The following CACNG2 variants were observed in gnomAD, a reference collection of about 807,000 sequenced individuals.
CACNG2 encodes the protein voltage-dependent calcium channel gamma-2 subunit.
In CACNG2, 3 loss-of-function variants were observed where a neutral mutation model predicts 25.9. The ratio of observed to expected loss-of-function variants is 0.12; its 90% CI spans 0.05 to 0.30. The LOEUF (loss-of-function observed/expected upper bound fraction) is 0.30. Ranked by LOEUF, CACNG2 falls within the 10% of genes least tolerant of loss-of-function variation. The pLI is 1.00. For missense variants in CACNG2, 341 were observed against 432.5 expected, an observed-to-expected ratio of 0.79 and a Z score of 1.88; for synonymous variants, 167 against 173.3, an observed-to-expected ratio of 0.96 and a Z score of 0.29.
intron 1 of CACNG2, among the ~76,000 whole-genome samples, chr22:36,672,170 T>G (rs1936960884): frequency 6.6e-6 from 1 of 151,834 alleles, no homozygotes; most frequent in Non-Finnish European, 1.5e-5. Flanking sequence ...TCTTTTTTTC[T>G]TTTTTTGAGA....
At chr22:36,658,925 G>A (rs1298985074) in intron 1 of CACNG2, among the ~76,000 whole-genome samples, 1 of 152,150 alleles carries the variant, frequency 6.6e-6, no homozygotes, top group East Asian at 1.9e-4. Flanking sequence ...AATGACGCTG[G>A]GAGGGAAGGA....
chr22:36,624,510 T>C (rs1426045306), intron 1 of CACNG2, among the ~76,000 whole-genome samples: 1 of 152,222 alleles, frequency 6.6e-6, no homozygotes, highest in Non-Finnish European at 1.5e-5. Flanking sequence ...CCAAAACTTC[T>C]GCCAGTGAAG....
At chr22:36,614,557 A>G (rs1935995417) in intron 1 of CACNG2, among the ~76,000 whole-genome samples, 2 of 152,184 alleles carry the variant, frequency 1.3e-5, no homozygotes, top group South Asian at 4.2e-4. Context: ...TGCATTCATC[A>G]TTGTATCCTG....
chr22:36,699,465 G>A (rs1270207314), intron 1 of CACNG2, among the ~76,000 whole-genome samples: 1 of 151,918 alleles, frequency 6.6e-6, no homozygotes, highest in Admixed American at 6.6e-5. Context: ...TCATCAAGAG[G>A]TGAATGAAAA....
chr22:36,677,434 G>T (rs1223648272), intron 1 of CACNG2, among the ~76,000 whole-genome samples: 1 of 152,186 alleles, frequency 6.6e-6, no homozygotes, highest in Non-Finnish European at 1.5e-5. Context: ...CCCCACCACT[G>T]CACTGCCTGG....
At chr22:36,680,967 C>T (rs1278199181) in intron 1 of CACNG2, among the ~76,000 whole-genome samples, 3 of 151,716 alleles carry the variant, frequency 2.0e-5, no homozygotes, top group African/African-American at 7.3e-5. Flanking sequence ...CTTTTCTTTT[C>T]CTGTCAACTT....
At chr22:36,698,472 C>T (rs749400933) in intron 1 of CACNG2, among the ~76,000 whole-genome samples, 9 of 152,102 alleles carry the variant, frequency 5.9e-5, no homozygotes, top group Non-Finnish European at 1.2e-4. Context: ...AAAGATGAAT[C>T]CTTTTTTTTT....
At chr22:36,575,311 G>C (rs1197981648) in intron 2 of CACNG2, among the ~76,000 whole-genome samples, 2 of 152,158 alleles carry the variant, frequency 1.3e-5, no homozygotes, top group African/African-American at 4.8e-5. Flanking sequence ...GGTGGCCTGA[G>C]CTATCTGTTC....
intron 1 of CACNG2, among the ~76,000 whole-genome samples, chr22:36,600,875 T>C (rs1365066580): frequency 6.6e-6 from 1 of 152,172 alleles, no homozygotes; most frequent in East Asian, 1.9e-4. Flanking sequence ...CATTTTATTG[T>C]GTATACTTTA....
At chr22:36,627,279 CGTGTGTGTGT>C (rs58015913) in intron 1 of CACNG2, among the ~76,000 whole-genome samples, 115 of 131,226 alleles carry the variant, frequency 8.8e-4, no homozygotes, top group African/African-American at 2.5e-3. Context: ...AGAGTGGGGA[CGTGTGTGTGT>C]GTGTGTGTGT....
intron 2 of CACNG2, among the ~76,000 whole-genome samples, chr22:36,574,071 G>A (rs529685653): frequency 6.6e-4 from 101 of 152,232 alleles, no homozygotes; most frequent in African/African-American, 2.3e-3. Context: ...GGAGGCAGGC[G>A]GGTCTGGGCC....
At chr22:36,677,746 C>T (rs147528007) in intron 1 of CACNG2, among the ~76,000 whole-genome samples, 155 of 152,170 alleles carry the variant, frequency 1.0e-3, no homozygotes, top group African/African-American at 3.5e-3. Flanking sequence ...CCTGTGGTGC[C>T]GTTCAACCAA....
intron 1 of CACNG2, among the ~76,000 whole-genome samples, chr22:36,598,177 C>A (rs768411046): frequency 2.0e-5 from 3 of 152,108 alleles, no homozygotes; most frequent in Non-Finnish European, 4.4e-5. Flanking sequence ...GTTTATTGAA[C>A]AAATAAATAA....
chr22:36,642,779 A>G (rs1936459048), intron 1 of CACNG2, among the ~76,000 whole-genome samples: 1 of 152,246 alleles, frequency 6.6e-6, no homozygotes, highest in South Asian at 2.1e-4. Flanking sequence ...GTAATCATGG[A>G]TAATTAGGAT....
chr22:36,612,319 T>C (rs1935954488), intron 1 of CACNG2, among the ~76,000 whole-genome samples: 1 of 152,226 alleles, frequency 6.6e-6, no homozygotes, highest in South Asian at 2.1e-4. Context: ...AAGAGTACTT[T>C]ATGCATAGTA....
intron 1 of CACNG2, among the ~76,000 whole-genome samples, chr22:36,631,629 T>C (rs1055607568): frequency 2.0e-4 from 30 of 152,264 alleles, no homozygotes; most frequent in African/African-American, 6.7e-4. Flanking sequence ...CTCTCTCTGG[T>C]CCTCTGTGGA....
chr22:36,679,231 C>CTTCTTTCT (rs993807935), intron 1 of CACNG2, among the ~76,000 whole-genome samples: 2 of 86,714 alleles, frequency 2.3e-5, no homozygotes, highest in African/African-American at 1.2e-4. Context: ...TCTTTCTTTC[C>CTTCTTTCT]TTCTTTCTTT....
intron 1 of CACNG2, among the ~76,000 whole-genome samples, chr22:36,649,509 G>C (rs1936576297): frequency 6.6e-6 from 1 of 152,178 alleles, no homozygotes. Context: ...AGCCAGGCTA[G>C]TCTCAAACTC....
At chr22:36,638,301 C>T (rs931832240) in intron 1 of CACNG2, among the ~76,000 whole-genome samples, 2 of 152,230 alleles carry the variant, frequency 1.3e-5, no homozygotes, top group African/African-American at 2.4e-5. Flanking sequence ...CCCTTCCCTG[C>T]TTCACACCCT....
Sources: gnomAD v4.1 joint callset for allele counts (sites outside exome capture counted in the v4.1 genomes callset) on GRCh38, gnomAD v4.1.1 for gene constraint, MANE v1.5 for transcripts, NCBI Gene and HGNC (gene_info 2026-07-23, HGNC 2026-07-21) for gene names.